KAZN: variants seen among roughly 807,000 people sequenced by gnomAD.
The protein encoded by KAZN is kazrin, periplakin interacting protein.
KAZN carries 40 observed loss-of-function variants against 87.4 expected under a neutral mutation model. That is an observed-to-expected ratio of 0.46 (90% CI 0.36 to 0.60). The LOEUF (loss-of-function observed/expected upper bound fraction) is 0.60. KAZN is among the 20% of genes least tolerant of loss of function. The pLI is 0.00. For missense variants in KAZN, 898 were observed against 1,073.9 expected, an observed-to-expected ratio of 0.84 and a Z score of 2.29; for synonymous variants, 466 against 458.3, an observed-to-expected ratio of 1.02 and a Z score of -0.22.
chr1:14,478,247 A>AGAG (rs1557747490), intron 2 of KAZN, among the ~76,000 whole-genome samples: 1 of 108,548 alleles, frequency 9.2e-6, no homozygotes, highest in Non-Finnish European at 1.9e-5. Flanking sequence ...GAAGGAAGGA[A>AGAG]AAGAAGGAAG....
chr1:14,740,402 G>T (rs1315957745), intron 1 of KAZN, among the ~76,000 whole-genome samples: 4 of 152,128 alleles, frequency 2.6e-5, no homozygotes, highest in Admixed American at 6.5e-5. Flanking sequence ...AAACTATGAT[G>T]CTTTTTCCTT....
At chr1:14,124,641 C>A (rs1342091154) in intron 1 of KAZN, among the ~76,000 whole-genome samples, 1 of 152,186 alleles carries the variant, frequency 6.6e-6, no homozygotes, top group Non-Finnish European at 1.5e-5. Context: ...AAAAGGACAT[C>A]TTGGTATATT....
intron 10 of KAZN, among the ~76,000 whole-genome samples, chr1:15,100,953 T>C (rs1249504636): frequency 1.3e-5 from 2 of 152,046 alleles, no homozygotes; most frequent in African/African-American, 2.4e-5. Context: ...TTTGTGGGTC[T>C]CGGGGATGCT....
rs143108829 is a variant in KAZN at position 14,853,574 on chromosome 1, C to A, written c.227-107110C>A. 5.1e-3 allele frequency among the ~76,000 whole-genome samples: 783 copies of A among 152,228 alleles called. 5 individuals carry two copies. Among genetic ancestry groups the A allele is most frequent in the African/African-American group, 0.018 (742 of 41,546 alleles). ...AGTCTGGCTCTTACTCCCACACTGT[C>A]CTGCCTCTCAGTGGGAGAAGAACAT... On this transcript the variant is annotated intron_variant, in intron 1 of 14. Coordinates refer to ENST00000376030, the MANE Select transcript of KAZN (RefSeq NM_201628.3).
chr1:14,199,531 G>A (rs1194416604), intron 2 of KAZN, among the ~76,000 whole-genome samples: 8 of 152,154 alleles, frequency 5.3e-5, no homozygotes, highest in African/African-American at 9.7e-5. Flanking sequence ...TGTGGAATTC[G>A]TCGCTGGGTT....
intron 8 of KAZN, among the ~76,000 whole-genome samples, chr1:15,087,219 C>T (rs1640298170): frequency 6.6e-6 from 1 of 152,134 alleles, no homozygotes; most frequent in Non-Finnish European, 1.5e-5. Flanking sequence ...CTATTAGCCA[C>T]ATTTGAAGTA....
chr1:15,067,162 G>A (rs1438860069), intron 8 of KAZN: 7 of 985,478 alleles, frequency 7.1e-6, no homozygotes, highest in African/African-American at 1.7e-5. Flanking sequence ...GGTGTTGTTA[G>A]GGGAGGCACC....
intron 2 of KAZN, among the ~76,000 whole-genome samples, chr1:14,520,929 T>C (rs1017846146): frequency 2.6e-5 from 4 of 152,112 alleles, no homozygotes; most frequent in Non-Finnish European, 5.9e-5. Flanking sequence ...CAGGGCAGGT[T>C]CCCCTAAGGC....
chr1:14,831,935 C>G (rs1451633432), intron 1 of KAZN, among the ~76,000 whole-genome samples: 1 of 152,164 alleles, frequency 6.6e-6, no homozygotes, highest in Non-Finnish European at 1.5e-5. Flanking sequence ...TGGCTCACAC[C>G]TGTACTCGCA....
chr1:14,971,119 C>T lies in KAZN; in HGVS notation c.418+10244C>T, dbSNP rs1473245397. On this transcript the variant is annotated intron_variant, in intron 2 of 14. Coordinates refer to ENST00000376030, the MANE Select transcript of KAZN (RefSeq NM_201628.3). ...AGAGAGGTTAAGAAATTCTTCTGGCCGGATGCAATGGCTCATGCTTTTGTA... is the reference window on the plus strand; with the variant it reads ...AGAGAGGTTAAGAAATTCTTCTGGCTGGATGCAATGGCTCATGCTTTTGTA... Among the ~76,000 whole-genome samples, 4 of 152,100 alleles carry T rather than the reference C, an allele frequency of 2.6e-5. No homozygotes were observed. The East Asian group carries it at 7.7e-4, about 29-fold the overall frequency.
intron 2 of KAZN, among the ~76,000 whole-genome samples, chr1:14,210,341 C>T (rs1309033230): frequency 4.6e-5 from 7 of 152,164 alleles, no homozygotes; most frequent in Non-Finnish European, 1.0e-4. Context: ...GAGGCTTCCC[C>T]AGCCATGTGG....
rs139092577 is a variant in KAZN at position 15,081,561 on chromosome 1, CGT to C, written c.1223-12601_1223-12600del. On this transcript the variant is annotated intron_variant, in intron 8 of 14. Transcript: ENST00000376030. The surrounding 1 kb of genome is among the most constrained non-coding windows in gnomAD (Gnocchi z 4.1). ...GAAAGGTTCCAGGAATTAATGACAG[CGT>C]GTGTGTGTGTGTGTGTGAGTGTGTG... Among the ~76,000 whole-genome samples the C allele has an allele frequency of 7.1e-3, 1,062 of 149,444 alleles. 10 individuals are homozygous for C. The highest frequency in any genetic ancestry group is 0.024 in the African/African-American group (980 of 40,888).
At chr1:14,031,240 T>C (rs541447770) in intron 1 of KAZN, among the ~76,000 whole-genome samples, 4 of 152,198 alleles carry the variant, frequency 2.6e-5, no homozygotes, top group Non-Finnish European at 5.9e-5. Context: ...ATATCAACAA[T>C]TCAGACTTCA....
Position 15,021,826 on chromosome 1 carries a change from A to C in KAZN, c.419-12923A>C, listed in dbSNP as rs1367240812. Among the ~76,000 whole-genome samples the C allele has an allele frequency of 6.6e-6, 1 of 151,964 alleles. No individual in the cohort carries two copies. The highest frequency in any genetic ancestry group is 2.4e-5 in the African/African-American group (1 of 41,372). On this transcript the variant is annotated intron_variant, in intron 2 of 14. Transcript: ENST00000376030. The surrounding 1 kb of genome is among the most constrained non-coding windows in gnomAD (Gnocchi z 4.2). Reference sequence around the variant, plus strand: ...AGCCCTGGCTCCTGGCATCTGTATGAGTTCGTTTTCATGCTGCTGATAAAG... The same window carrying C: ...AGCCCTGGCTCCTGGCATCTGTATGCGTTCGTTTTCATGCTGCTGATAAAG...
intron 1 of KAZN, among the ~76,000 whole-genome samples, chr1:13,959,733 C>G (rs886974763): frequency 1.3e-5 from 2 of 152,060 alleles, no homozygotes; most frequent in Non-Finnish European, 2.9e-5. Context: ...CACATCATAC[C>G]CTCAATTTAT....
At chr1:14,704,814 A>G (rs1484831078) in intron 1 of KAZN, among the ~76,000 whole-genome samples, 1 of 152,196 alleles carries the variant, frequency 6.6e-6, no homozygotes, top group Non-Finnish European at 1.5e-5. Context: ...AGTGAGGTCA[A>G]GTTACCCATT....
intron 1 of KAZN, among the ~76,000 whole-genome samples, chr1:14,723,695 A>G (rs561233415): frequency 2.0e-5 from 3 of 152,190 alleles, no homozygotes; most frequent in Non-Finnish European, 4.4e-5. Flanking sequence ...GTGGGTAAAC[A>G]TCAGTGGGGT....
chr1:14,416,784 GC>G (rs1297748172), intron 2 of KAZN, among the ~76,000 whole-genome samples: 1 of 151,584 alleles, frequency 6.6e-6, no homozygotes. Flanking sequence ...TTATATATAA[GC>G]AAAAAGGGAA....
chr1:14,101,738 T>G (rs967525138), intron 1 of KAZN, among the ~76,000 whole-genome samples: 2 of 152,256 alleles, frequency 1.3e-5, no homozygotes, highest in Admixed American at 6.5e-5. Context: ...GCAGCTTAAT[T>G]GTCAGCGTGG....
Sources: allele counts gnomAD v4.1 joint callset (sites outside exome capture counted in the v4.1 genomes callset), GRCh38; gene constraint gnomAD v4.1.1; non-coding constraint Gnocchi (gnomAD v3.1); transcripts MANE v1.5; gene names NCBI Gene and HGNC (gene_info 2026-07-23, HGNC 2026-07-21).